The following RAPGEF4 variants were observed in gnomAD, a reference collection of about 807,000 sequenced individuals.
RAPGEF4 encodes the protein RAP guanine-nucleotide-exchange factor (GEF) 4.
A neutral mutation model predicts 147.9 loss-of-function variants in RAPGEF4; 66 were observed. The observed-to-expected ratio is 0.45, with a 90% CI of 0.37 to 0.55. The LOEUF is 0.55. Among genes scored for constraint, RAPGEF4 ranks in the 20% least tolerant of loss-of-function variants. RAPGEF4 has a pLI of 0.00. For missense variants in RAPGEF4, 1,071 were observed against 1,257.3 expected (o/e 0.85, Z 2.24); for synonymous variants, 419 against 442.7 (o/e 0.95, Z 0.67).
intron 4 of RAPGEF4, among the ~76,000 whole-genome samples, chr2:172,855,707 T>A (rs1402976186): frequency 6.6e-6 from 1 of 152,124 alleles, no homozygotes; most frequent in Non-Finnish European, 1.5e-5. Flanking sequence ...GATATAGAAT[T>A]CTAGCTTGAC....
intron 1 of RAPGEF4, among the ~76,000 whole-genome samples, chr2:172,748,206 G>T (rs912014197): frequency 2.0e-5 from 3 of 152,122 alleles, no homozygotes; most frequent in African/African-American, 7.2e-5. Context: ...TGGGCTTGCT[G>T]CATCGTAAAG....
chr2:172,910,227 A>G (rs1445078549), intron 4 of RAPGEF4, among the ~76,000 whole-genome samples: 1 of 152,226 alleles, frequency 6.6e-6, no homozygotes, highest in African/African-American at 2.4e-5. Context: ...TGTCACCTTG[A>G]AAACCTAGAA....
At chr2:172,797,754 T>C in intron 3 of RAPGEF4, 141 bp downstream of exon 3, 2 of 628,288 alleles carry the variant, frequency 3.2e-6, no homozygotes, top group Non-Finnish European at 5.4e-6. Flanking sequence ...GTTTGTTGGA[T>C]TCCTTTATTA....
chr2:172,914,067 A>G (rs555289746), intron 4 of RAPGEF4, among the ~76,000 whole-genome samples: 1 of 152,322 alleles, frequency 6.6e-6, no homozygotes, highest in South Asian at 2.1e-4. Flanking sequence ...GTATATAAGT[A>G]GTGCCGCTTC....
intron 4 of RAPGEF4, among the ~76,000 whole-genome samples, chr2:172,850,697 A>G (rs1692714059): frequency 6.6e-6 from 1 of 152,152 alleles, no homozygotes; most frequent in African/African-American, 2.4e-5. Context: ...CTCCACTCCC[A>G]CTAGCCAGAA....
At chr2:172,935,508 G>T (rs142923052) in intron 6 of RAPGEF4, among the ~76,000 whole-genome samples, 1 of 151,986 alleles carries the variant, frequency 6.6e-6, no homozygotes, top group Non-Finnish European at 1.5e-5. Flanking sequence ...TGTGCATTCC[G>T]CTGACTGCCA....
chr2:172,960,820 G>A lies in RAPGEF4; in HGVS notation c.591+7G>A, dbSNP rs748993166. The A allele has an allele frequency of 1.3e-6, 2 of 1,598,578 alleles. No individual in the cohort carries two copies. Among genetic ancestry groups the A allele is most frequent in the Admixed American group, 1.7e-5 (1 of 58,456 alleles). ...TGCTAACACCATTACCAAGGTAATG[G>A]GATGTAGGTGGGTTGATGAGCCATT... On this transcript the variant is annotated splice_region_variant and intron_variant, in intron 7 of 30. Coordinates refer to ENST00000397081, the MANE Select transcript of RAPGEF4 (RefSeq NM_007023.4).
intron 4 of RAPGEF4, chr2:172,821,587 CT>C: frequency 1.0e-6 from 1 of 992,492 alleles, no homozygotes; most frequent in Non-Finnish European, 1.2e-6. Flanking sequence ...AGTTCTGATT[CT>C]TTTAAACCAA....
intron 10 of RAPGEF4, among the ~76,000 whole-genome samples, chr2:172,974,208 C>T (rs1289786065): frequency 6.6e-6 from 1 of 152,184 alleles, no homozygotes; most frequent in Non-Finnish European, 1.5e-5. Flanking sequence ...GAGTCACTTG[C>T]CTATGGTTAT....
At chr2:172,904,085 C>A (rs1291596375) in intron 4 of RAPGEF4, among the ~76,000 whole-genome samples, 1 of 152,192 alleles carries the variant, frequency 6.6e-6, no homozygotes, top group Non-Finnish European at 1.5e-5. Flanking sequence ...ATGATCAGTG[C>A]ATCCTAATTC....
At chr2:172,975,164 A>G (rs1454735584) in intron 10 of RAPGEF4, among the ~76,000 whole-genome samples, 3 of 152,218 alleles carry the variant, frequency 2.0e-5, no homozygotes, top group Admixed American at 1.3e-4. Flanking sequence ...CTTATAATTA[A>G]TCTGCCTCTC....
chr2:172,912,518 A>C (rs1017969023), intron 4 of RAPGEF4, among the ~76,000 whole-genome samples: 1 of 152,206 alleles, frequency 6.6e-6, no homozygotes, highest in African/African-American at 2.4e-5. Flanking sequence ...TTTTCCTGCC[A>C]ATGCCCTATA....
intron 5 of RAPGEF4, 29 bp from the exon 6 acceptor site, chr2:172,922,252 C>A: frequency 6.2e-7 from 1 of 1,602,358 alleles, no homozygotes; most frequent in Non-Finnish European, 8.6e-7. Context: ...CAATTCATGG[C>A]CTCTCTCTGT....
chr2:173,014,860 T>G (rs1007056909), intron 18 of RAPGEF4, among the ~76,000 whole-genome samples: 4 of 152,220 alleles, frequency 2.6e-5, no homozygotes, highest in African/African-American at 7.2e-5. Context: ...TTTGTATGTT[T>G]TATCTTGTAG....
intron 23 of RAPGEF4, among the ~76,000 whole-genome samples, chr2:173,026,055 A>C (rs1696631634): frequency 6.6e-6 from 1 of 152,194 alleles, no homozygotes; most frequent in African/African-American, 2.4e-5. Context: ...CTCAGTTCAC[A>C]GAGCTTTCCA....
At chr2:172,758,078 CTG>C (rs1695946143) in intron 1 of RAPGEF4, among the ~76,000 whole-genome samples, 1 of 152,064 alleles carries the variant, frequency 6.6e-6, no homozygotes, top group African/African-American at 2.4e-5. Flanking sequence ...TGGGTGAAGA[CTG>C]TAATATTAAA....
At chr2:172,932,137 T>G (rs1191301827) in intron 6 of RAPGEF4, among the ~76,000 whole-genome samples, 1 of 152,212 alleles carries the variant, frequency 6.6e-6, no homozygotes, top group East Asian at 1.9e-4. Context: ...CTTCAAGTTT[T>G]AGTTACATGG....
At chr2:172,881,690 T>G (rs797007287) in intron 4 of RAPGEF4, among the ~76,000 whole-genome samples, 19 of 152,328 alleles carry the variant, frequency 1.2e-4, no homozygotes, top group African/African-American at 3.8e-4. Context: ...AAGGCTTAAA[T>G]AGTCTGTTAA....
chr2:172,887,384 G>A (rs991930426), intron 4 of RAPGEF4, among the ~76,000 whole-genome samples: 2 of 152,034 alleles, frequency 1.3e-5, no homozygotes, highest in Non-Finnish European at 2.9e-5. Context: ...ATTTTTCTAA[G>A]CATCTCTGTA....
Sources: allele counts gnomAD v4.1 joint callset (sites outside exome capture counted in the v4.1 genomes callset), GRCh38; gene constraint gnomAD v4.1.1; transcripts MANE v1.5; gene names NCBI Gene and HGNC (gene_info 2026-07-23, HGNC 2026-07-21).